Variants in TGM2 observed in about 807,000 individuals in gnomAD.
TGM2 encodes transglutaminase 2.
TGM2 carries 53 observed loss-of-function variants against 75.6 expected under a neutral mutation model. The ratio of observed to expected loss-of-function variants is 0.70; its 90% confidence interval spans 0.56 to 0.88. TGM2 has a LOEUF of 0.88. Ranked by LOEUF, TGM2 falls within the 40% of genes least tolerant of loss-of-function variation. The pLI is 0.00. For synonymous variants in TGM2, 374 were observed against 381.1 expected, an observed-to-expected ratio of 0.98 and a Z score of 0.22; for missense variants, 842 against 928.5, an observed-to-expected ratio of 0.91 and a Z score of 1.21.
chr20:38,143,957 C>T (rs1568690184), intron 6 of TGM2, among the ~76,000 whole-genome samples: 1 of 152,164 alleles, frequency 6.6e-6, no homozygotes, highest in East Asian at 1.9e-4. Flanking sequence ...GCTATGACCT[C>T]CCCCTCTTGC....
intron 6 of TGM2, among the ~76,000 whole-genome samples, chr20:38,143,975 C>T (rs892873694): frequency 6.6e-6 from 1 of 152,202 alleles, no homozygotes; most frequent in African/African-American, 2.4e-5. Context: ...TGCCTGGTTT[C>T]TGTCCCCCTG....
rs749984502 is a variant in TGM2 at position 38,142,150 on chromosome 20, C to A, written c.909G>T (p.Ser303=). ...IPTRVVTNYN[S]AHDQNSNLLI... ...GAAGGTTGCTGTTCTGGTCATGGGC[C>A]GAGTTGTAGTTGGTCACGACGCGGG... Residue 303 remains serine, a synonymous_variant, in exon 7 of 13, where the codon TCG becomes TCT. Coordinates refer to ENST00000361475, the MANE Select transcript of TGM2 (RefSeq NM_004613.4). 1 of 1,614,026 alleles carries A rather than the reference C, an allele frequency of 6.2e-7. No individual in the cohort carries two copies. The highest frequency in any genetic ancestry group is 1.3e-5 in the African/African-American group (1 of 74,884).
intron 3 of TGM2, among the ~76,000 whole-genome samples, chr20:38,154,540 T>G (rs1226935448): frequency 6.6e-6 from 1 of 152,170 alleles, no homozygotes. Context: ...AGCTCTCCCC[T>G]CTGACTTTCT....
chr20:38,141,582 A>T (rs1238861103), intron 7 of TGM2, among the ~76,000 whole-genome samples, 197 bp from the exon 8 acceptor site: 1 of 147,466 alleles, frequency 6.8e-6, no homozygotes, highest in African/African-American at 2.5e-5. Context: ...CAAGGCGCCC[A>T]CTCCTACACC....
At chr20:38,144,418 G>A (rs1421711348) in intron 6 of TGM2, among the ~76,000 whole-genome samples, 2 of 152,234 alleles carry the variant, frequency 1.3e-5, no homozygotes, top group Non-Finnish European at 2.9e-5. Flanking sequence ...GAACAGCACA[G>A]TGTGTCATGG....
chr20:38,146,006 T>C (rs1322230260), intron 6 of TGM2: 1 of 152,428 alleles, frequency 6.6e-6, no homozygotes, highest in Non-Finnish European at 1.5e-5. Context: ...ACTCCCGGCC[T>C]CAAGCAATCC....
intron 3 of TGM2, among the ~76,000 whole-genome samples, chr20:38,155,486 C>T (rs1031713172): frequency 6.6e-6 from 1 of 152,102 alleles, no homozygotes; most frequent in Non-Finnish European, 1.5e-5. Context: ...GGACCACAGG[C>T]GTGCACTACC....
intron 3 of TGM2, among the ~76,000 whole-genome samples, chr20:38,153,528 A>AAAAAAAAAAAAAAAAAAAAAGAAAAG (rs56670550): frequency 9.6e-5 from 12 of 125,226 alleles, no homozygotes; most frequent in Admixed American, 1.8e-4. Context: ...TGGTCTCAAA[A>AAAAAAAAAAAAAAAAAAAAAGAAAAG]AAAAGAAAAA....
At chr20:38,131,033 AC>A in intron 12 of TGM2, 59 bp downstream of exon 12, 8 of 1,604,012 alleles carry the variant, frequency 5.0e-6, no homozygotes, top group Non-Finnish European at 6.8e-6. Flanking sequence ...GACAGTCTCT[AC>A]CCCCACCGGC....
At chr20:38,167,803 G>T (rs1044371704), upstream of TGM2, among the ~76,000 whole-genome samples, 3 of 152,162 alleles carry the variant, frequency 2.0e-5, no homozygotes, top group Non-Finnish European at 2.9e-5. Context: ...CCTGGACTTA[G>T]TTCATTACAC....
Position 38,159,712 on chromosome 20 carries a change from C to A in TGM2, c.190+1708G>T, listed in dbSNP as rs187435035. On this transcript the variant is annotated intron_variant, in intron 2 of 12. Transcript: ENST00000361475. ...CTCACTCTGCAGTCGGGGTTTGAAG[C>A]CTTCTGTGTCCCTGACTCACTGTGT... Among the ~76,000 whole-genome samples, 8 of 152,274 alleles carry A rather than the reference C, an allele frequency of 5.3e-5. No homozygotes were observed. In the East Asian group the frequency reaches 1.2e-3, roughly 22 times the overall value.
At chr20:38,133,693 C>T (rs2268906) in intron 10 of TGM2, 2,030 of 152,318 alleles carry the variant, frequency 0.013, 25 homozygotes, top group East Asian at 0.054. Context: ...GAGGCTGAGG[C>T]AGGAGGATTG....
In TGM2 at chr20:38,141,261, C is replaced by T. The variant is rs200402855; in HGVS notation, c.1099+21G>A. The T allele has an allele frequency of 2.1e-3, 3,172 of 1,546,814 alleles. 14 individuals are homozygous for T. Among genetic ancestry groups the T allele is most frequent in the Non-Finnish European group, 2.6e-3 (2,932 of 1,141,780 alleles). On this transcript the variant is annotated intron_variant, in intron 8 of 12. Coordinates refer to ENST00000361475, the MANE Select transcript of TGM2 (RefSeq NM_004613.4). Reference sequence around the variant, plus strand: ...CCTCGTCTTCCCCATCTGTTTGACGCGACAGTGCCCGCCCACGCACCTTCG... The same window carrying T: ...CCTCGTCTTCCCCATCTGTTTGACGTGACAGTGCCCGCCCACGCACCTTCG...
At chr20:38,166,729 C>T (rs1317889592), upstream of TGM2, among the ~76,000 whole-genome samples, 7 of 152,218 alleles carry the variant, frequency 4.6e-5, no homozygotes, top group Non-Finnish European at 1.0e-4. Flanking sequence ...ACCCGTGTTG[C>T]TTCAGTGGAT....
At chr20:38,144,900 G>T (rs2075025984) in intron 6 of TGM2, among the ~76,000 whole-genome samples, 1 of 152,200 alleles carries the variant, frequency 6.6e-6, no homozygotes, top group Non-Finnish European at 1.5e-5. Flanking sequence ...GGGCAGCTGA[G>T]GGGCAGGATC....
chr20:38,165,937 C>G (rs1407985576), upstream of TGM2, among the ~76,000 whole-genome samples: 1 of 146,658 alleles, frequency 6.8e-6, no homozygotes, highest in South Asian at 2.2e-4. Context: ...GAGCCACACA[C>G]AGCTGTGGAC....
upstream of TGM2, among the ~76,000 whole-genome samples, chr20:38,168,380 G>A (rs563720713): frequency 6.6e-6 from 1 of 152,200 alleles, no homozygotes; most frequent in Non-Finnish European, 1.5e-5. Context: ...TACCTCACCG[G>A]GGCTGTAAAG....
intron 4 of TGM2, among the ~76,000 whole-genome samples, chr20:38,150,307 G>A (rs755141489): frequency 1.7e-4 from 26 of 152,210 alleles, no homozygotes; most frequent in Admixed American, 2.6e-4. Flanking sequence ...GCCAAGCCCA[G>A]CCTAGACAGC....
intron 10 of TGM2, among the ~76,000 whole-genome samples, chr20:38,135,684 A>T (rs776418420): frequency 6.6e-6 from 1 of 151,872 alleles, no homozygotes; most frequent in Non-Finnish European, 1.5e-5. Flanking sequence ...GGTCCTTTCT[A>T]CACCACCGAG....
Sources: allele counts gnomAD v4.1 joint callset (sites outside exome capture counted in the v4.1 genomes callset), GRCh38; gene constraint gnomAD v4.1.1; transcripts MANE v1.5; gene names NCBI Gene and HGNC (gene_info 2026-07-23, HGNC 2026-07-21).